SNTG2: variants seen among roughly 807,000 people sequenced by gnomAD.
The protein encoded by SNTG2 is gamma-2-syntrophin.
A neutral mutation model predicts 70.9 loss-of-function variants in SNTG2; 74 were observed. That is an observed-to-expected ratio of 1.04 (90% CI 0.86 to 1.27). SNTG2 has a LOEUF of 1.27. Among genes scored for constraint, SNTG2 ranks in the 50% most tolerant of loss-of-function variants. The pLI is 0.00. For synonymous variants in SNTG2, 278 were observed against 273.8 expected (o/e 1.02, Z -0.15); for missense variants, 717 against 690.7 (o/e 1.04, Z -0.43).
intron 1 of SNTG2, among the ~76,000 whole-genome samples, chr2:955,440 T>C (rs1245429079): frequency 6.6e-6 from 1 of 152,240 alleles, no homozygotes; most frequent in Admixed American, 6.5e-5. Flanking sequence ...CTTTTCCTCT[T>C]GTTTTTATTT....
intron 11 of SNTG2, among the ~76,000 whole-genome samples, chr2:1,241,058 C>A (rs1425666887): frequency 6.6e-6 from 1 of 152,200 alleles, no homozygotes; most frequent in African/African-American, 2.4e-5. Context: ...AAAGTTTTGA[C>A]ATGATCTCTA....
At position 1,353,085 on chromosome 2, in the gene SNTG2, G is replaced by A. The variant is rs555493946; in HGVS notation, c.1489-14258G>A. ...ACCCCCACCCAGAAATCCACATGGT[G>A]CATTTTCGGAAAACTTTCCAGCCAT... On this transcript the variant is annotated intron_variant, in intron 16 of 16. Coordinates refer to ENST00000308624, the MANE Select transcript of SNTG2 (RefSeq NM_018968.4). This position sits in a 1 kb window ranked among gnomAD's most constrained non-coding sequence, Gnocchi z 4.2. 6.6e-6 allele frequency among the ~76,000 whole-genome samples: 1 copy of A among 152,242 alleles called. No homozygotes were observed.
chr2:1,028,145 C>T (rs1045095462), intron 1 of SNTG2, among the ~76,000 whole-genome samples: 33 of 151,174 alleles, frequency 2.2e-4, no homozygotes, highest in Non-Finnish European at 2.9e-5. Context: ...TAAGCAGGTG[C>T]ATCACTGAAG....
chr2:1,128,384 TAAA>T (rs1034291025), intron 4 of SNTG2, among the ~76,000 whole-genome samples: 2 of 152,182 alleles, frequency 1.3e-5, no homozygotes, highest in African/African-American at 4.8e-5. Context: ...TATGAATACA[TAAA>T]AAAATTTGAA....
chr2:1,213,669 T>C (rs1416071345), intron 9 of SNTG2, among the ~76,000 whole-genome samples: 1 of 152,200 alleles, frequency 6.6e-6, no homozygotes, highest in Non-Finnish European at 1.5e-5. Context: ...CTGGGACCAT[T>C]TGGACACAGC....
rs778233036 is a variant in SNTG2 at position 1,367,439 on chromosome 2, CAG to C, written c.1588_1589del (p.Leu531CysfsTer17). The C allele has an allele frequency of 2.4e-5, 37 of 1,551,586 alleles. No individual in the cohort carries two copies. The African/African-American group carries it at 3.4e-4, about 14-fold the overall frequency. ...ASVDPGFMDS[Q>X]SLARKYMYSS is the part of the protein sequence containing the mutation. ...CGTGGACCCCGGCTTCATGGACAGT[CAG>C]AGTCTTGCCAGAAAATACATGTACA... is the stretch of plus-strand genomic sequence containing the variant. On this transcript the variant is annotated frameshift_variant, in exon 17 of 17. Transcript: ENST00000308624. LOFTEE classifies it low-confidence loss of function (END_TRUNC).
At chr2:1,145,834 C>T (rs35117181) in intron 6 of SNTG2, among the ~76,000 whole-genome samples, 55,983 of 152,018 alleles carry the variant, frequency 0.37, 11,148 homozygotes, top group East Asian at 0.83. Context: ...AATTCAGCAA[C>T]GTCTAAAAAG....
At chr2:1,318,913 T>G (rs972568496) in intron 16 of SNTG2, among the ~76,000 whole-genome samples, 1 of 152,320 alleles carries the variant, frequency 6.6e-6, no homozygotes, top group Admixed American at 6.5e-5. Flanking sequence ...TGAGCCTCTG[T>G]CATCCCCGGG....
rs77290927 is a variant in SNTG2, at chr2:1,338,721, T to C, written c.1488+22346T>C. Among the ~76,000 whole-genome samples the C allele has an allele frequency of 4.1e-3, 629 of 152,348 alleles. 1 individual carries two copies. Among genetic ancestry groups the C allele is most frequent in the African/African-American group, 0.014 (589 of 41,582 alleles). On this transcript the variant is annotated intron_variant, in intron 16 of 16. Coordinates refer to ENST00000308624, the MANE Select transcript of SNTG2 (RefSeq NM_018968.4). ...GTACCAGAACATTCTTTTTTAGAGC[T>C]GAATTATATTGCATTTCATGGATAC... is the stretch of plus-strand genomic sequence containing the variant.
At chr2:1,228,966 T>G (rs1349166003) in intron 9 of SNTG2, among the ~76,000 whole-genome samples, 5 of 152,038 alleles carry the variant, frequency 3.3e-5, no homozygotes, top group Admixed American at 6.5e-5. Context: ...GCGGTGCGTC[T>G]GGAGTTGTTT....
intron 7 of SNTG2, among the ~76,000 whole-genome samples, chr2:1,166,457 C>T (rs574917161): frequency 6.6e-6 from 1 of 152,332 alleles, no homozygotes; most frequent in East Asian, 1.9e-4. Flanking sequence ...TTCATATTGA[C>T]TGTTTTACTT....
At chr2:1,362,825 T>A (rs1661269292) in intron 16 of SNTG2, among the ~76,000 whole-genome samples, 1 of 152,104 alleles carries the variant, frequency 6.6e-6, no homozygotes, top group South Asian at 2.1e-4. Flanking sequence ...TGCTGAGCAT[T>A]TCAGTAGAAC....
In SNTG2 at chr2:1,058,938, C is replaced by T. The variant is rs146783916; in HGVS notation, c.73-24580C>T. Reference sequence around the variant, plus strand: ...GATGGGCTGCTGCACAACTGTCTCCCCAGGAGGGAGAGCAGGATGGCAGCC... The same window carrying T: ...GATGGGCTGCTGCACAACTGTCTCCTCAGGAGGGAGAGCAGGATGGCAGCC... On this transcript the variant is annotated intron_variant, in intron 1 of 16. Coordinates refer to ENST00000308624, the MANE Select transcript of SNTG2 (RefSeq NM_018968.4). 2.5e-3 allele frequency among the ~76,000 whole-genome samples: 383 copies of T among 152,290 alleles called. 1 individual carries two copies. Among genetic ancestry groups the T allele is most frequent in the African/African-American group, 9.0e-3 (373 of 41,564 alleles).
At position 1,367,336 on chromosome 2, in the gene SNTG2, C is replaced by T. The variant is rs1168479842; in HGVS notation, c.1489-7C>T. On this transcript the variant is annotated splice_region_variant and splice_polypyrimidine_tract_variant and intron_variant, in intron 16 of 16. Coordinates refer to ENST00000308624, the MANE Select transcript of SNTG2 (RefSeq NM_018968.4). ...TAATAAACACTTGATCTGATTTTCT[C>T]CTCCAGGAACTCGAGTTCCAGGACC... The T allele has an allele frequency of 2.4e-5, 36 of 1,528,970 alleles. No homozygotes were observed. The highest frequency in any genetic ancestry group is 2.7e-5 in the Non-Finnish European group (31 of 1,137,966). 94.7% of individuals were successfully genotyped at this position (1,528,970 alleles called of 1,614,324 possible).
intron 6 of SNTG2, among the ~76,000 whole-genome samples, chr2:1,152,793 A>AC (rs1669601424): frequency 1.3e-5 from 2 of 152,134 alleles, no homozygotes; most frequent in African/African-American, 2.4e-5. Context: ...CATTTACTTA[A>AC]AGTTAACTGA....
At chr2:1,346,887 TG>T (rs1309458582) in intron 16 of SNTG2, among the ~76,000 whole-genome samples, 1 of 152,152 alleles carries the variant, frequency 6.6e-6, no homozygotes, top group Non-Finnish European at 1.5e-5. Context: ...AGCTAAGCTT[TG>T]TCTAAAGACT....
At chr2:1,049,808 A>G (rs949802651) in intron 1 of SNTG2, among the ~76,000 whole-genome samples, 28 of 152,308 alleles carry the variant, frequency 1.8e-4, no homozygotes, top group African/African-American at 6.7e-4. Context: ...GGCATTTGGT[A>G]TTGTCAGTGT....
At chr2:995,031 G>T (rs1356967299) in intron 1 of SNTG2, among the ~76,000 whole-genome samples, 1 of 151,710 alleles carries the variant, frequency 6.6e-6, no homozygotes, top group Non-Finnish European at 1.5e-5. Flanking sequence ...ACTTCTGAAT[G>T]TCCTATCTAG....
In SNTG2 at chr2:1,216,765, C is replaced by G. The variant is rs555683147; in HGVS notation, c.719+7535C>G. Among the ~76,000 whole-genome samples the G allele has an allele frequency of 3.2e-4, 49 of 152,290 alleles. 1 individual carries two copies. Among genetic ancestry groups the G allele is most frequent in the Admixed American group, 3.2e-3 (49 of 15,304 alleles). ...AGGCTTTGTGTCTCCACCCAAATAT[C>G]ATCTTGAATTGTAATCTTCATGATC... On this transcript the variant is annotated intron_variant, in intron 9 of 16. Coordinates refer to ENST00000308624, the MANE Select transcript of SNTG2 (RefSeq NM_018968.4).
Sources: allele counts gnomAD v4.1 joint callset (sites outside exome capture counted in the v4.1 genomes callset), GRCh38; gene constraint gnomAD v4.1.1; non-coding constraint Gnocchi (gnomAD v3.1); transcripts MANE v1.5; gene names NCBI Gene and HGNC (gene_info 2026-07-23, HGNC 2026-07-21).